The following THSD7A variants were observed in gnomAD, a reference collection of about 807,000 sequenced individuals.
The protein encoded by THSD7A is thrombospondin type 1 domain containing 7A.
A neutral mutation model predicts 231.3 loss-of-function variants in THSD7A; 96 were observed. That is an observed-to-expected ratio of 0.41 (90% CI 0.35 to 0.49). The LOEUF is 0.49. THSD7A is among the 20% of genes least tolerant of loss of function. THSD7A has a pLI of 0.05. For synonymous variants in THSD7A, 940 were observed against 743.3 expected (o/e 1.26, Z -4.30); for missense variants, 2,290 against 2,070.2 (o/e 1.11, Z -2.06).
intron 23 of THSD7A, chr7:11,385,636 A>C (rs929785731): frequency 6.6e-6 from 1 of 152,026 alleles, no homozygotes; most frequent in African/African-American, 2.4e-5. Context: ...TTTGTATTTC[A>C]ACAATTATAG....
chr7:11,821,397 G>A, intron 1 of THSD7A: 1 of 313,456 alleles, frequency 3.2e-6, no homozygotes, highest in Non-Finnish European at 6.1e-6. Flanking sequence ...GATTTTAAAA[G>A]CCCTTTTTTT....
intron 4 of THSD7A, among the ~76,000 whole-genome samples, chr7:11,564,261 G>A (rs1421505589): frequency 1.3e-5 from 2 of 152,114 alleles, no homozygotes; most frequent in Admixed American, 1.3e-4. Flanking sequence ...TATGGGTGTC[G>A]AAAACACTGC....
chr7:11,477,259 G>A (rs1434756599), intron 7 of THSD7A, among the ~76,000 whole-genome samples: 23 of 152,094 alleles, frequency 1.5e-4, no homozygotes, highest in Admixed American at 1.2e-3. Flanking sequence ...AGACACTTTG[G>A]AAGATTAAAG....
chr7:11,636,995 T>C lies in THSD7A; in HGVS notation c.191-34A>G, dbSNP rs779780785. On this transcript the variant is annotated intron_variant, in intron 1 of 27. Transcript: ENST00000423059. This position sits in a 1 kb window ranked among gnomAD's most constrained non-coding sequence, Gnocchi z 10.0. Reference sequence around the variant, plus strand: ...ATTATAACACAAAAATTAGCAGTGCTACTAGAAGAAAACTACAAGTTACTG... The same window carrying C: ...ATTATAACACAAAAATTAGCAGTGCCACTAGAAGAAAACTACAAGTTACTG... 3.2e-6 allele frequency: 5 copies of C among 1,561,456 alleles called. No homozygotes were observed. Among genetic ancestry groups the C allele is most frequent in the East Asian group, 4.5e-5 (2 of 44,454 alleles).
intron 1 of THSD7A, among the ~76,000 whole-genome samples, chr7:11,775,557 T>C (rs1783374898): frequency 1.3e-5 from 2 of 152,318 alleles, no homozygotes; most frequent in Admixed American, 6.5e-5. Context: ...ATGGACATTA[T>C]GCTAAGTGAA....
chr7:11,579,194 G>T (rs1028717995), intron 4 of THSD7A, among the ~76,000 whole-genome samples: 27 of 151,730 alleles, frequency 1.8e-4, no homozygotes, highest in Non-Finnish European at 3.7e-4. Context: ...CCTTTTTATT[G>T]CCCATTGCTT....
intron 1 of THSD7A, among the ~76,000 whole-genome samples, chr7:11,687,635 T>C (rs117732137): frequency 2.0e-5 from 3 of 152,034 alleles, no homozygotes; most frequent in Non-Finnish European, 4.4e-5. Context: ...ATTTCAACTT[T>C]TAGTGTTGTT....
chr7:11,642,533 A>G (rs1241339726), intron 1 of THSD7A, among the ~76,000 whole-genome samples: 4 of 152,190 alleles, frequency 2.6e-5, no homozygotes, highest in Non-Finnish European at 5.9e-5. Flanking sequence ...ACTTAGCTTG[A>G]CAGATTTTAT....
chr7:11,760,172 T>C (rs1364237638), intron 1 of THSD7A, among the ~76,000 whole-genome samples: 1 of 152,032 alleles, frequency 6.6e-6, no homozygotes, highest in East Asian at 1.9e-4. Flanking sequence ...ACTGAAAGAA[T>C]TGTAATAAAA....
intron 4 of THSD7A, among the ~76,000 whole-genome samples, chr7:11,558,303 CTCCTT>C (rs1332213532): frequency 1.3e-5 from 2 of 152,130 alleles, no homozygotes; most frequent in African/African-American, 4.8e-5. Context: ...AAAAGTACAT[CTCCTT>C]TATCTTTTTG....
At chr7:11,404,860 G>T (rs1244357397) in intron 22 of THSD7A, among the ~76,000 whole-genome samples, 5 of 151,944 alleles carry the variant, frequency 3.3e-5, no homozygotes, top group Non-Finnish European at 2.9e-5. Context: ...GTTAACTACA[G>T]GCACTATGTC....
chr7:11,637,760 A>G lies in THSD7A; in HGVS notation c.191-799T>C, dbSNP rs2128361361. ...AGCTGTTTGATGTGATACTTAAATC[A>G]GTGGCTTTAATATGAAATATGGGTT... On this transcript the variant is annotated intron_variant, in intron 1 of 27. Transcript: ENST00000423059. This position sits in a 1 kb window ranked among gnomAD's most constrained non-coding sequence, Gnocchi z 4.2. Among the ~76,000 whole-genome samples, 1 of 152,310 alleles carries G rather than the reference A, an allele frequency of 6.6e-6. No individual in the cohort carries two copies. Among genetic ancestry groups the G allele is most frequent in the African/African-American group, 2.4e-5 (1 of 41,560 alleles).
intron 11 of THSD7A, among the ~76,000 whole-genome samples, chr7:11,459,665 ATTTT>A (rs34415355): frequency 2.0e-4 from 8 of 39,918 alleles, no homozygotes; most frequent in Non-Finnish European, 2.3e-4. Flanking sequence ...AAAACAGGGG[ATTTT>A]TTTTTTTTTT....
intron 1 of THSD7A, among the ~76,000 whole-genome samples, chr7:11,687,657 C>A (rs1420901577): frequency 6.6e-6 from 1 of 151,846 alleles, no homozygotes; most frequent in African/African-American, 2.4e-5. Context: ...CTTGAGAATA[C>A]TTCTGTCATC....
At chr7:11,615,036 ACTGT>A (rs940909866) in intron 2 of THSD7A, among the ~76,000 whole-genome samples, 2 of 152,204 alleles carry the variant, frequency 1.3e-5, no homozygotes, top group African/African-American at 2.4e-5. Context: ...AATTTCATAG[ACTGT>A]CTAATTCCAT....
At chr7:11,619,597 T>A (rs1481595157) in intron 2 of THSD7A, among the ~76,000 whole-genome samples, 1 of 151,826 alleles carries the variant, frequency 6.6e-6, no homozygotes, top group East Asian at 1.9e-4. Context: ...TTATTATTAT[T>A]TTCTGTAGAG....
Position 11,469,879 on chromosome 7 carries a change from C to A in THSD7A, c.2368G>T (p.Gly790Trp). 1.9e-6 allele frequency: 3 copies of A among 1,582,714 alleles called. No homozygotes were observed. The highest frequency in any genetic ancestry group is 2.3e-5 in the East Asian group (1 of 44,026). Reference protein sequence around the residue: ...WTSCPSSCKEGDSSIRKQSRH... With the variant: ...WTSCPSSCKEWDSSIRKQSRH... ...GCCTTCCTAACTCTGCAGACCATAC[C>A]TTCTTTACACGAAGAGGGGCATGAT... Residue 790 changes from glycine (G) to tryptophan (W), a missense_variant and splice_region_variant, in exon 9 of 28, where the codon GGG (glycine) becomes TGG (tryptophan). Coordinates refer to ENST00000423059, the MANE Select transcript of THSD7A (RefSeq NM_015204.3).
intron 1 of THSD7A, among the ~76,000 whole-genome samples, chr7:11,685,316 TA>T (rs1344981467): frequency 1.3e-5 from 2 of 151,292 alleles, no homozygotes; most frequent in South Asian, 2.1e-4. Flanking sequence ...TTGGCCTAGG[TA>T]AAAAATTTAT....
chr7:11,516,699 A>T (rs17164694), intron 6 of THSD7A, among the ~76,000 whole-genome samples: 18,234 of 152,228 alleles, frequency 0.12, 1,328 homozygotes, highest in African/African-American at 0.2. Context: ...TATCCTTTAC[A>T]GAAAAGCTGA....
Sources: gnomAD v4.1 joint callset for allele counts (sites outside exome capture counted in the v4.1 genomes callset) on GRCh38, gnomAD v4.1.1 for gene constraint, Gnocchi (gnomAD v3.1) non-coding constraint, MANE v1.5 for transcripts, NCBI Gene and HGNC (gene_info 2026-07-23, HGNC 2026-07-21) for gene names.